MDGA2: variants seen among roughly 807,000 people sequenced by gnomAD.
MDGA2 encodes MAM domain-containing glycosylphosphatidylinositol anchor protein 2.
Under a neutral mutation model 117.8 loss-of-function variants are expected in MDGA2, and 40 were observed. That is an observed-to-expected ratio of 0.34 (90% CI 0.26 to 0.44). The LOEUF is 0.44. Among genes scored for constraint, MDGA2 ranks in the 20% least tolerant of loss-of-function variants. The pLI is 1.00. For synonymous variants in MDGA2, 452 were observed against 439.0 expected (o/e 1.03, Z -0.37); for missense variants, 1,123 against 1,250.6 (o/e 0.90, Z 1.54).
intron 8 of MDGA2, among the ~76,000 whole-genome samples, chr14:46,977,743 G>T (rs548387739): frequency 6.6e-6 from 1 of 151,794 alleles, no homozygotes; most frequent in African/African-American, 2.4e-5. Flanking sequence ...TAACATGGTA[G>T]TAAACTTAGT....
At chr14:46,993,910 G>A (rs937800083) in intron 8 of MDGA2, among the ~76,000 whole-genome samples, 2 of 152,164 alleles carry the variant, frequency 1.3e-5, no homozygotes, top group Non-Finnish European at 1.5e-5. Flanking sequence ...CATGTTATAC[G>A]TGATACAAGT....
intron 12 of MDGA2, among the ~76,000 whole-genome samples, chr14:46,874,824 A>G (rs1264522835): frequency 6.6e-6 from 1 of 151,772 alleles, no homozygotes; most frequent in East Asian, 1.9e-4. Flanking sequence ...AAGGACTGTG[A>G]TTTCTCGGAT....
At chr14:46,939,655 G>T (rs991272897) in intron 9 of MDGA2, among the ~76,000 whole-genome samples, 4 of 152,186 alleles carry the variant, frequency 2.6e-5, no homozygotes, top group Non-Finnish European at 5.9e-5. Context: ...GTTAGTTGCT[G>T]TATTTGTCAG....
intron 2 of MDGA2, among the ~76,000 whole-genome samples, chr14:47,224,843 A>T (rs1478350999): frequency 6.6e-6 from 1 of 152,190 alleles, no homozygotes; most frequent in Non-Finnish European, 1.5e-5. Flanking sequence ...AATAAAAATT[A>T]TCCTTTTGTC....
intron 1 of MDGA2, among the ~76,000 whole-genome samples, chr14:47,535,188 T>C (rs1273954320): frequency 6.6e-6 from 1 of 152,182 alleles, no homozygotes; most frequent in Admixed American, 6.5e-5. Flanking sequence ...ATTCCATTTA[T>C]ATCACTTACA....
At chr14:47,084,723 AAG>A (rs1357405401) in intron 6 of MDGA2, among the ~76,000 whole-genome samples, 1 of 152,106 alleles carries the variant, frequency 6.6e-6, no homozygotes, top group East Asian at 1.9e-4. Flanking sequence ...ACACCCATAT[AAG>A]AGTTACAGAG....
chr14:47,584,671 A>C (rs1896291060), intron 1 of MDGA2, among the ~76,000 whole-genome samples: 1 of 151,756 alleles, frequency 6.6e-6, no homozygotes, highest in African/African-American at 2.4e-5. Context: ...TCCATTTTTA[A>C]AGGTTTATCT....
chr14:47,571,897 A>G lies in MDGA2; in HGVS notation c.280+102620T>C, dbSNP rs1305192828. ...GTTCCACACACGTATCCCAGAACTT[A>G]AAGTATAATTAAAAAAATACTGCAT... On this transcript the variant is annotated intron_variant, in intron 1 of 16. Transcript: ENST00000399232. Among the ~76,000 whole-genome samples the G allele has an allele frequency of 2.6e-5, 4 of 152,212 alleles. No homozygotes were observed. The East Asian group carries it at 5.8e-4, about 22-fold the overall frequency.
intron 1 of MDGA2, among the ~76,000 whole-genome samples, chr14:47,472,811 G>A (rs1893756198): frequency 6.6e-6 from 1 of 152,136 alleles, no homozygotes; most frequent in African/African-American, 2.4e-5. Context: ...CTGTTGAATG[G>A]AGAAAATTAT....
intron 1 of MDGA2, among the ~76,000 whole-genome samples, chr14:47,623,607 A>G (rs758359421): frequency 2.0e-5 from 3 of 152,154 alleles, no homozygotes; most frequent in African/African-American, 7.2e-5. Flanking sequence ...CTTTATTTCA[A>G]ATGCTTTCCC....
At chr14:47,440,462 T>A (rs1220057336) in intron 1 of MDGA2, among the ~76,000 whole-genome samples, 1 of 152,168 alleles carries the variant, frequency 6.6e-6, no homozygotes, top group Non-Finnish European at 1.5e-5. Flanking sequence ...TCTTAGCGTC[T>A]GCTTATTGGG....
chr14:46,844,432 T>A (rs1306142316), intron 16 of MDGA2, among the ~76,000 whole-genome samples: 1 of 151,832 alleles, frequency 6.6e-6, no homozygotes, highest in Non-Finnish European at 1.5e-5. Context: ...ATACAAAAAA[T>A]TAGCGGGGTG....
chr14:47,187,801 A>G (rs1001181040), intron 3 of MDGA2, among the ~76,000 whole-genome samples: 2 of 152,108 alleles, frequency 1.3e-5, no homozygotes, highest in African/African-American at 2.4e-5. Context: ...ATCTAGCAAA[A>G]TTACAAGTAA....
chr14:47,277,968 G>T (rs1315210296), intron 2 of MDGA2, among the ~76,000 whole-genome samples: 1 of 152,080 alleles, frequency 6.6e-6, no homozygotes, highest in Non-Finnish European at 1.5e-5. Flanking sequence ...AACAGGCAAG[G>T]GATTCCAGGC....
chr14:47,241,948 T>C (rs996722222), intron 2 of MDGA2, among the ~76,000 whole-genome samples: 1 of 151,774 alleles, frequency 6.6e-6, no homozygotes, highest in Non-Finnish European at 1.5e-5. Context: ...ATCAGTAAAA[T>C]AGAGACAATT....
At chr14:47,221,104 T>C (rs2139523801) in intron 2 of MDGA2, among the ~76,000 whole-genome samples, 1 of 152,000 alleles carries the variant, frequency 6.6e-6, no homozygotes, top group Non-Finnish European at 1.5e-5. Flanking sequence ...ACAATTTAAA[T>C]ACTAAATAAA....
At chr14:47,052,878 C>T (rs1889507045) in intron 7 of MDGA2, among the ~76,000 whole-genome samples, 1 of 151,800 alleles carries the variant, frequency 6.6e-6, no homozygotes. Flanking sequence ...CCCATTTTCC[C>T]CTCTCCTTTC....
At chr14:47,351,940 A>G (rs886073609) in intron 1 of MDGA2, among the ~76,000 whole-genome samples, 20 of 117,558 alleles carry the variant, frequency 1.7e-4, no homozygotes, top group Non-Finnish European at 1.9e-4. Context: ...CACACACACA[A>G]ACATATATAT....
intron 1 of MDGA2, among the ~76,000 whole-genome samples, chr14:47,359,634 A>G (rs1891070304): frequency 6.7e-6 from 1 of 149,128 alleles, no homozygotes; most frequent in African/African-American, 2.5e-5. Context: ...ATACATAAAA[A>G]AAGCTACTCT....
Sources: allele counts gnomAD v4.1 joint callset (sites outside exome capture counted in the v4.1 genomes callset), GRCh38; gene constraint gnomAD v4.1.1; transcripts MANE v1.5; gene names NCBI Gene and HGNC (gene_info 2026-07-23, HGNC 2026-07-21).